Variants in SS18 observed in about 807,000 individuals in gnomAD.
SS18 encodes protein SSXT.
A neutral mutation model predicts 72.5 loss-of-function variants in SS18; 28 were observed. The observed-to-expected ratio is 0.39, with a 90% CI of 0.29 to 0.53. The LOEUF (loss-of-function observed/expected upper bound fraction) is 0.53. Among genes scored for constraint, SS18 ranks in the 20% least tolerant of loss-of-function variants. SS18 has a pLI of 0.76. For synonymous variants in SS18, 172 were observed against 164.2 expected (o/e 1.05, Z -0.37); for missense variants, 518 against 535.3 (o/e 0.97, Z 0.32).
chr18:26,043,034 T>C (rs2053757439), intron 5 of SS18, among the ~76,000 whole-genome samples: 1 of 152,154 alleles, frequency 6.6e-6, no homozygotes, highest in African/African-American at 2.4e-5. Flanking sequence ...ACACTTATTA[T>C]TAGCCAGGCA....
intron 10 of SS18, among the ~76,000 whole-genome samples, chr18:26,019,120 A>G (rs1005563706): frequency 2.0e-5 from 3 of 152,216 alleles, no homozygotes; most frequent in African/African-American, 7.2e-5. Flanking sequence ...GAGTGGGGGT[A>G]AACAATGTCC....
chr18:26,075,822 C>T (rs2054401595), intron 3 of SS18, among the ~76,000 whole-genome samples: 1 of 151,740 alleles, frequency 6.6e-6, no homozygotes, highest in South Asian at 2.1e-4. Context: ...ATCATGAATA[C>T]AGAAAACTGA....
intron 3 of SS18, among the ~76,000 whole-genome samples, chr18:26,076,352 T>C (rs995406445): frequency 9.3e-5 from 14 of 150,052 alleles, no homozygotes; most frequent in Admixed American, 7.3e-4. Context: ...TATAAACAGA[T>C]CAGACACAGA....
chr18:26,089,347 T>C (rs920678419), intron 1 of SS18, among the ~76,000 whole-genome samples: 6 of 152,218 alleles, frequency 3.9e-5, no homozygotes, highest in African/African-American at 1.4e-4. Flanking sequence ...CTCAGAGCAC[T>C]ATATGAAAGC....
intron 3 of SS18, among the ~76,000 whole-genome samples, chr18:26,062,286 G>T (rs1212632685): frequency 6.6e-6 from 1 of 152,108 alleles, no homozygotes; most frequent in Non-Finnish European, 1.5e-5. Context: ...CGAGATAAAT[G>T]AAATTAAACC....
intron 5 of SS18, 100 bp from the exon 6 acceptor site, chr18:26,039,556 A>G: frequency 9.3e-7 from 1 of 1,078,378 alleles, no homozygotes; most frequent in Non-Finnish European, 1.3e-6. Flanking sequence ...CCAAAAATAT[A>G]TAATTAAATG....
At chr18:26,072,062 G>A (rs1236284614) in intron 3 of SS18, among the ~76,000 whole-genome samples, 1 of 151,782 alleles carries the variant, frequency 6.6e-6, no homozygotes, top group Non-Finnish European at 1.5e-5. Context: ...AATGAACACT[G>A]ACTTCAAAAA....
chr18:26,039,261 G>A, intron 6 of SS18, 28 bp downstream of exon 6: 2 of 1,483,850 alleles, frequency 1.3e-6, no homozygotes, highest in Non-Finnish European at 1.8e-6. Context: ...ATTACATTAA[G>A]TAGCAAATTT....
chr18:26,024,654 T>C (rs1363624770), intron 10 of SS18, among the ~76,000 whole-genome samples: 1 of 152,198 alleles, frequency 6.6e-6, no homozygotes, highest in Non-Finnish European at 1.5e-5. Flanking sequence ...CTGAATGGTA[T>C]ACTTTAGAAT....
At chr18:26,090,864 G>A (rs560319266), upstream of SS18, 4 of 464,482 alleles carry the variant, frequency 8.6e-6, no homozygotes, top group East Asian at 8.1e-5. Flanking sequence ...TGGTAGAGTC[G>A]CGCCCTAGTC....
At chr18:26,018,760 A>G (rs910187156) in intron 10 of SS18, among the ~76,000 whole-genome samples, 1 of 152,214 alleles carries the variant, frequency 6.6e-6, no homozygotes, top group Admixed American at 6.5e-5. Flanking sequence ...TAGTGTGACA[A>G]CTTTGTGAGT....
At position 26,052,853 on chromosome 18, in the gene SS18, G is replaced by T. The variant is rs1318120026; in HGVS notation, c.386-8C>A. On this transcript the variant is annotated splice_region_variant and splice_polypyrimidine_tract_variant and intron_variant, in intron 4 of 10. Transcript: ENST00000415083. Reference sequence around the variant, plus strand: ...TAGGCATATGGTTAGGCCCTTTGAAGAAAAATGATCAGAAGCAAAATATGA... The same window carrying T: ...TAGGCATATGGTTAGGCCCTTTGAATAAAAATGATCAGAAGCAAAATATGA... The T allele has an allele frequency of 2.5e-6, 4 of 1,606,700 alleles. No individual in the cohort carries two copies. In the South Asian group the frequency reaches 3.3e-5, roughly 13 times the overall value.
upstream of SS18, chr18:26,090,916 C>A: frequency 2.8e-6 from 1 of 360,720 alleles, no homozygotes; most frequent in South Asian, 3.6e-5. Context: ...CCCGCCGCCG[C>A]GGGAGAAGGA....
At position 26,047,921 on chromosome 18, in the gene SS18, CA is replaced by C. The variant is rs1266511038; in HGVS notation, c.607+4702del. ...ACAAAATGTTTTTACATGTGAAATT[CA>C]CATAAGGCAAACAGACTTAACCTAT... On this transcript the variant is annotated intron_variant, in intron 5 of 10. Coordinates refer to ENST00000415083, the MANE Select transcript of SS18 (RefSeq NM_001007559.3). Among the ~76,000 whole-genome samples, 8 of 152,188 alleles carry C rather than the reference CA, an allele frequency of 5.3e-5. 1 individual carries two copies. Among genetic ancestry groups the C allele is most frequent in the African/African-American group, 1.9e-4 (8 of 41,436 alleles).
Position 26,088,723 on chromosome 18 carries a change from A to G in SS18, c.70-1146T>C, listed in dbSNP as rs2054660974. Among the ~76,000 whole-genome samples the G allele has an allele frequency of 1.3e-5, 2 of 152,336 alleles. 1 individual carries two copies. The highest frequency in any genetic ancestry group is 6.8e-3 in the Middle Eastern group (2 of 294). The stretch of plus-strand genomic sequence containing the variant: ...AGGGGCTGATTCAGCTGTAAGATCA[A>G]GGGACTCAGGATATGCTCCTCCAGA... On this transcript the variant is annotated intron_variant, in intron 1 of 10. Coordinates refer to ENST00000415083, the MANE Select transcript of SS18 (RefSeq NM_001007559.3).
chr18:26,033,338 A>T (rs1003022210), intron 9 of SS18, among the ~76,000 whole-genome samples: 5 of 152,026 alleles, frequency 3.3e-5, no homozygotes, highest in African/African-American at 1.2e-4. Context: ...ATATGATGAA[A>T]CCCCATCTCT....
chr18:26,018,424 A>G (rs750689011), intron 10 of SS18, 44 bp from the exon 11 acceptor site: 33 of 1,364,102 alleles, frequency 2.4e-5, no homozygotes, highest in Admixed American at 7.4e-5. Context: ...TAGTTTGACC[A>G]TAACAGGCAA....
At chr18:26,090,701 A>G, upstream of SS18, 1 of 970,666 alleles carries the variant, frequency 1.0e-6, no homozygotes, top group Non-Finnish European at 1.5e-6. Context: ...GGCCAAGCGG[A>G]CGGGCGGCGG....
At chr18:26,065,676 TAG>T (rs900232162) in intron 3 of SS18, among the ~76,000 whole-genome samples, 3 of 151,228 alleles carry the variant, frequency 2.0e-5, no homozygotes, top group Non-Finnish European at 4.4e-5. Context: ...TCATTTAAAT[TAG>T]AAACTGTTCA....
Sources: allele counts gnomAD v4.1 joint callset (sites outside exome capture counted in the v4.1 genomes callset), GRCh38; gene constraint gnomAD v4.1.1; transcripts MANE v1.5; gene names NCBI Gene and HGNC (gene_info 2026-07-23, HGNC 2026-07-21).